GON4L: variants seen among roughly 807,000 people sequenced by gnomAD.
GON4L encodes GON-4-like protein.
Under a neutral mutation model 211.8 loss-of-function variants are expected in GON4L, and 87 were observed. The observed-to-expected ratio is 0.41, with a 90% confidence interval of 0.35 to 0.49. The LOEUF is 0.49. GON4L is among the 20% of genes least tolerant of loss of function. The pLI is 0.15. For missense variants in GON4L, 2,155 were observed against 2,659.5 expected (o/e 0.81, Z 4.17); for synonymous variants, 875 against 962.6 (o/e 0.91, Z 1.68).
At chr1:155,760,877 TCTACC>T (rs540157267) in intron 23 of GON4L, among the ~76,000 whole-genome samples, 6 of 152,206 alleles carry the variant, frequency 3.9e-5, no homozygotes, top group Non-Finnish European at 7.4e-5. Flanking sequence ...GTTCCACAGT[TCTACC>T]CACAAAACCA....
intron 11 of GON4L, among the ~76,000 whole-genome samples, chr1:155,804,255 C>T (rs751052991): frequency 5.9e-5 from 9 of 152,030 alleles, no homozygotes; most frequent in Middle Eastern, 3.2e-3. Context: ...TGCCTATAAT[C>T]TCAGCTACTT....
intron 11 of GON4L, among the ~76,000 whole-genome samples, chr1:155,802,117 A>T (rs1482090322): frequency 6.6e-6 from 1 of 152,196 alleles, no homozygotes; most frequent in East Asian, 1.9e-4. Context: ...GTAACTACAC[A>T]TTGAAAACTC....
intron 11 of GON4L, among the ~76,000 whole-genome samples, chr1:155,796,343 T>C (rs1306135487): frequency 6.6e-6 from 1 of 151,742 alleles, no homozygotes; most frequent in Non-Finnish European, 1.5e-5. Flanking sequence ...AGTGGCATGA[T>C]CTTGGCTCAC....
chr1:155,819,913 T>G (rs577287214), intron 6 of GON4L, among the ~76,000 whole-genome samples: 2 of 152,150 alleles, frequency 1.3e-5, no homozygotes, highest in Non-Finnish European at 2.9e-5. Flanking sequence ...ATGGAGATTT[T>G]TTTGTTTGTT....
At chr1:155,827,483 A>C (rs1438217437) in intron 2 of GON4L, among the ~76,000 whole-genome samples, 2 of 152,164 alleles carry the variant, frequency 1.3e-5, no homozygotes, top group Admixed American at 1.3e-4. Context: ...TCAACACTTC[A>C]TAAACACTCC....
chr1:155,797,855 GAA>G (rs113490241), intron 11 of GON4L, among the ~76,000 whole-genome samples: 10 of 104,744 alleles, frequency 9.5e-5, no homozygotes, highest in Admixed American at 5.1e-4. Context: ...CATCTAACAA[GAA>G]AAAAAAAAAA....
rs897033109 is a variant in GON4L at position 155,765,431 on chromosome 1, T to C, written c.4042A>G (p.Ile1348Val). Residue 1348 changes from isoleucine to valine, a missense_variant, in exon 21 of 32, where the codon ATC becomes GTC. By Grantham distance (29) the Ile-to-Val change is conservative. Coordinates refer to ENST00000368331, the MANE Select transcript of GON4L (RefSeq NM_001282860.2). ...GSPERDICDD[I>V]KVEHAVELDT... is the part of the protein sequence containing the mutation. ...AATTCCACAGCATGTTCCACTTTGA[T>C]GTCATCACAAATATCACGCTCAGGG... 6.2e-7 allele frequency: 1 copy of C among 1,614,196 alleles called. No individual in the cohort carries two copies. The highest frequency in any genetic ancestry group is 1.7e-5 in the Admixed American group (1 of 60,020).
chr1:155,802,709 A>T (rs1296252061), intron 11 of GON4L, among the ~76,000 whole-genome samples: 1 of 152,228 alleles, frequency 6.6e-6, no homozygotes, highest in Non-Finnish European at 1.5e-5. Flanking sequence ...TAATCTCAGC[A>T]CTTTGGAAAG....
At chr1:155,746,027 C>T (rs1660245019), downstream of GON4L, 5 of 810,330 alleles carry the variant, frequency 6.2e-6, no homozygotes, top group Non-Finnish European at 9.7e-6. Context: ...GGCCGAGCGA[C>T]CGATTCCAAG....
At chr1:155,760,318 G>A (rs1661658880) in intron 24 of GON4L, 126 bp downstream of exon 24, 1 of 615,398 alleles carries the variant, frequency 1.6e-6, no homozygotes, top group Non-Finnish European at 2.9e-6. Flanking sequence ...TTATCACTCT[G>A]GGCTAGGGGA....
intron 24 of GON4L, among the ~76,000 whole-genome samples, chr1:155,759,467 G>A (rs546627809): frequency 6.6e-6 from 1 of 152,026 alleles, no homozygotes; most frequent in Non-Finnish European, 1.5e-5. Flanking sequence ...CCGGCTACTC[G>A]GGAGGCTGAG....
intron 10 of GON4L, among the ~76,000 whole-genome samples, chr1:155,805,679 ATATC>A (rs1667058432): frequency 6.6e-6 from 1 of 151,412 alleles, no homozygotes; most frequent in Non-Finnish European, 1.5e-5. Context: ...CCCTGTTGTA[ATATC>A]TATCAATACT....
chr1:155,826,696 T>C, intron 3 of GON4L, 141 bp downstream of exon 3: 1 of 656,826 alleles, frequency 1.5e-6, no homozygotes, highest in Non-Finnish European at 2.7e-6. Context: ...TTCTCTATCT[T>C]GATCTGGGTC....
intron 7 of GON4L, 26 bp downstream of exon 7, chr1:155,816,186 A>G (rs770633044): frequency 8.9e-6 from 10 of 1,129,278 alleles, no homozygotes; most frequent in Non-Finnish European, 1.2e-5. Flanking sequence ...CTGGAAAAGA[A>G]TAACAATTAT....
At position 155,755,458 on chromosome 1, in the gene GON4L, A is replaced by C. The variant is rs569131193; in HGVS notation, c.5518-970T>G. Among the ~76,000 whole-genome samples the C allele has an allele frequency of 3.3e-5, 5 of 151,548 alleles. No homozygotes were observed. In the East Asian group the frequency reaches 9.8e-4, roughly 30 times the overall value. On this transcript the variant is annotated intron_variant, in intron 27 of 31. Coordinates refer to ENST00000368331, the MANE Select transcript of GON4L (RefSeq NM_001282860.2). Reference sequence around the variant, plus strand: ...ACTCCTGTCCTCAAGTGATCCACCCACCTCGACCTCCCAAAATGCTGGGAT... The same window carrying C: ...ACTCCTGTCCTCAAGTGATCCACCCCCCTCGACCTCCCAAAATGCTGGGAT...
At chr1:155,746,906 G>A (rs1432789517), downstream of GON4L, 5 of 1,596,996 alleles carry the variant, frequency 3.1e-6, no homozygotes, top group Non-Finnish European at 4.2e-6. Flanking sequence ...TTAACCCGGT[G>A]CCACAACCTG....
rs1660821191 is a variant in GON4L at position 155,753,396 on chromosome 1, AG to A, written c.5649del (p.Tyr1884ThrfsTer33). On this transcript the variant is annotated frameshift_variant, in exon 29 of 32. Coordinates refer to ENST00000368331, the MANE Select transcript of GON4L (RefSeq NM_001282860.2). LOFTEE classifies it high-confidence loss of function. ...AACTCATGGGGCTCCTTGCTCTTGTAGGATTTGCTGTCACAGACCTGCAGGG... is the reference window on the plus strand; with the variant it reads ...AACTCATGGGGCTCCTTGCTCTTGTAGATTTGCTGTCACAGACCTGCAGGG... ...HCSSKVCDSK[S>X]YKSKEPHELV... is the part of the protein sequence containing the mutation. 6.2e-7 allele frequency: 1 copy of A among 1,613,196 alleles called. No homozygotes were observed. The highest frequency in any genetic ancestry group is 1.1e-5 in the South Asian group (1 of 91,060).
intron 11 of GON4L, among the ~76,000 whole-genome samples, chr1:155,801,545 C>T (rs1666662734): frequency 6.6e-6 from 1 of 151,932 alleles, no homozygotes; most frequent in Non-Finnish European, 1.5e-5. Flanking sequence ...AAACAATTTG[C>T]TTCTTGTTAT....
chr1:155,783,593 G>A (rs1185775925), intron 14 of GON4L, among the ~76,000 whole-genome samples: 1 of 152,128 alleles, frequency 6.6e-6, no homozygotes, highest in Non-Finnish European at 1.5e-5. Context: ...TAATGCCTAG[G>A]TGACTAACAA....
Sources: allele counts gnomAD v4.1 joint callset (sites outside exome capture counted in the v4.1 genomes callset), GRCh38; gene constraint gnomAD v4.1.1; transcripts MANE v1.5; gene names NCBI Gene and HGNC (gene_info 2026-07-23, HGNC 2026-07-21).